Variants in RMP64 observed in about 807,000 individuals in gnomAD.
The protein encoded by RMP64 is ribonuclease MRP subunit p64, also known as nucleolus and neural progenitor protein.
At chr3:113,010,786 T>C in the RMP64 span, 2 of 1,185,786 alleles carry the variant, frequency 1.7e-6, no homozygotes, top group East Asian at 2.4e-5. Context: ...GTGCATGACA[T>C]TTCTTGCCAA....
the RMP64 span, chr3:113,011,597 T>C: frequency 4.5e-6 from 2 of 440,030 alleles, no homozygotes; most frequent in African/African-American, 4.0e-5. Flanking sequence ...GTATAAAATG[T>C]TACTCAAAAA....
chr3:113,005,543 C>T, the RMP64 span: 3 of 1,601,358 alleles, frequency 1.9e-6, no homozygotes, highest in Admixed American at 5.0e-5. Context: ...CATCTAAACT[C>T]CCATTAAAGC....
the RMP64 span, chr3:113,013,937 T>C: frequency 1.3e-5 from 20 of 1,588,348 alleles, no homozygotes; most frequent in Non-Finnish European, 1.6e-5. Flanking sequence ...ACAAAGCAAC[T>C]GGACCACTTA....
At chr3:113,009,108 A>T in the RMP64 span, among the ~76,000 whole-genome samples, 9 of 152,226 alleles carry the variant, frequency 5.9e-5, no homozygotes, top group Admixed American at 2.0e-4. Flanking sequence ...CTGAATATCT[A>T]TTAAAAATGC....
chr3:113,017,145 G>A, the RMP64 span, among the ~76,000 whole-genome samples: 1 of 152,240 alleles, frequency 6.6e-6, no homozygotes, highest in Admixed American at 6.5e-5. Context: ...TCTTTGAGCT[G>A]GGCAAAGGCA....
At chr3:113,006,470 C>CA in the RMP64 span, among the ~76,000 whole-genome samples, 1 of 152,186 alleles carries the variant, frequency 6.6e-6, no homozygotes, top group Non-Finnish European at 1.5e-5. Flanking sequence ...GTTTATAAAA[C>CA]AATATGAAGA....
At chr3:113,006,021 G>C in the RMP64 span, 1 of 1,565,476 alleles carries the variant, frequency 6.4e-7, no homozygotes. Context: ...AAGACAGAGA[G>C]AGGAAAAATC....
the RMP64 span, chr3:113,010,603 A>G: frequency 6.6e-7 from 1 of 1,525,642 alleles, no homozygotes; most frequent in East Asian, 2.2e-5. Context: ...TCTACAAATT[A>G]GCAGAAATCA....
At chr3:113,015,260 G>T in the RMP64 span, among the ~76,000 whole-genome samples, 1 of 152,062 alleles carries the variant, frequency 6.6e-6, no homozygotes, top group Non-Finnish European at 1.5e-5. Context: ...AGTGCTTACT[G>T]AACACTGTTC....
the RMP64 span, chr3:113,005,861 T>C: frequency 2.5e-6 from 4 of 1,613,930 alleles, no homozygotes; most frequent in South Asian, 3.3e-5. Context: ...CGACTGCAAC[T>C]TTCTCTGTGG....
the RMP64 span, chr3:113,005,421 G>A: frequency 3.9e-5 from 26 of 671,662 alleles, no homozygotes; most frequent in Non-Finnish European, 6.1e-5. Flanking sequence ...GTGCAATGCT[G>A]CACTAAAGCA....
chr3:113,017,562 G>A, the RMP64 span: 1 of 1,614,112 alleles, frequency 6.2e-7, no homozygotes, highest in Non-Finnish European at 8.5e-7. Flanking sequence ...GCGACAGTAT[G>A]ACGAGATGGC....
the RMP64 span, chr3:113,017,323 C>A: frequency 1.4e-6 from 1 of 725,560 alleles, no homozygotes; most frequent in South Asian, 2.5e-5. Context: ...GGGCTATAGG[C>A]CTATAAAACA....
At chr3:113,010,703 T>C in the RMP64 span, 1 of 1,612,628 alleles carries the variant, frequency 6.2e-7, no homozygotes, top group Non-Finnish European at 8.5e-7. Context: ...CTGATGACTC[T>C]TCTGTGGAGG....
the RMP64 span, chr3:113,013,258 A>G: frequency 1.9e-6 from 3 of 1,611,310 alleles, no homozygotes; most frequent in Non-Finnish European, 2.5e-6. Flanking sequence ...ATATTTCAAG[A>G]TATTCAAGGA....
At chr3:113,005,647 A>T in the RMP64 span, 2 of 1,613,600 alleles carry the variant, frequency 1.2e-6, no homozygotes, top group Non-Finnish European at 1.7e-6. Flanking sequence ...TTTCATTTTC[A>T]TGGATGCCTC....
chr3:113,005,649 G>A, the RMP64 span: 1 of 1,613,516 alleles, frequency 6.2e-7, no homozygotes, highest in Non-Finnish European at 8.5e-7. Flanking sequence ...TCATTTTCAT[G>A]GATGCCTCTA....
the RMP64 span, chr3:113,011,574 C>T: frequency 2.1e-6 from 1 of 474,394 alleles, no homozygotes; most frequent in South Asian, 6.0e-5. Context: ...TCCAACCCAA[C>T]AGAAAAATCC....
At chr3:113,007,088 A>G in the RMP64 span, among the ~76,000 whole-genome samples, 1 of 152,104 alleles carries the variant, frequency 6.6e-6, no homozygotes, top group Non-Finnish European at 1.5e-5. Flanking sequence ...CCTCTGCCTC[A>G]TCTACCCTTG....
Sources: gnomAD v4.1 joint callset for allele counts (sites outside exome capture counted in the v4.1 genomes callset) on GRCh38, gnomAD v4.1.1 for gene constraint, MANE v1.5 for transcripts, NCBI Gene and HGNC (gene_info 2026-07-23, HGNC 2026-07-21) for gene names.